Variants in PIK3R4 observed in about 807,000 individuals in gnomAD.
PIK3R4 encodes the protein phosphoinositide-3-kinase regulatory subunit 4.
Under a neutral mutation model 136.5 loss-of-function variants are expected in PIK3R4, and 46 were observed. The ratio of observed to expected loss-of-function variants is 0.34; its 90% CI spans 0.27 to 0.43. The LOEUF is 0.43. Ranked by LOEUF, PIK3R4 falls within the 20% of genes least tolerant of loss-of-function variation. The pLI is 1.00. For synonymous variants in PIK3R4, 557 were observed against 566.7 expected (o/e 0.98, Z 0.24); for missense variants, 1,331 against 1,649.5 (o/e 0.81, Z 3.35).
intron 11 of PIK3R4, 99 bp downstream of exon 11, chr3:130,706,849 T>C: frequency 3.8e-6 from 3 of 792,598 alleles, no homozygotes; most frequent in East Asian, 3.0e-5. Context: ...CAAGTCACCA[T>C]ATTGATTTTT....
At chr3:130,723,943 T>C (rs1247229224) in intron 6 of PIK3R4, 1 of 162,280 alleles carries the variant, frequency 6.2e-6, no homozygotes, top group Non-Finnish European at 1.3e-5. Context: ...GAATTCTATT[T>C]TCAGTCAAAC....
chr3:130,742,263 G>C (rs148667762), intron 2 of PIK3R4, among the ~76,000 whole-genome samples: 2 of 152,120 alleles, frequency 1.3e-5, no homozygotes, highest in East Asian at 1.9e-4. Context: ...ACAATGTAAG[G>C]CTCTTTGGTC....
intron 16 of PIK3R4, 76 bp downstream of exon 16, chr3:130,684,174 A>G (rs530359344): frequency 4.5e-6 from 6 of 1,331,102 alleles, no homozygotes; most frequent in African/African-American, 1.5e-5. Context: ...AACTAAAAAC[A>G]TGAGTTTTGG....
At chr3:130,723,348 T>C in intron 7 of PIK3R4, 66 bp downstream of exon 7, 2 of 1,392,048 alleles carry the variant, frequency 1.4e-6, no homozygotes, top group Non-Finnish European at 2.0e-6. Flanking sequence ...TGCAATTCTT[T>C]ATATTACCTA....
At chr3:130,726,011 T>A (rs761745024) in intron 6 of PIK3R4, 1 of 152,108 alleles carries the variant, frequency 6.6e-6, no homozygotes, top group African/African-American at 2.4e-5. Context: ...CTTATAAATG[T>A]GTCATGAGTT....
intron 14 of PIK3R4, among the ~76,000 whole-genome samples, chr3:130,686,887 C>T (rs1392004279): frequency 6.6e-6 from 1 of 152,068 alleles, no homozygotes; most frequent in Non-Finnish European, 1.5e-5. Context: ...AGAGAATGTT[C>T]CTCAATTTGG....
At chr3:130,700,303 GT>G (rs1373268551) in intron 13 of PIK3R4, among the ~76,000 whole-genome samples, 1 of 152,062 alleles carries the variant, frequency 6.6e-6, no homozygotes, top group African/African-American at 2.4e-5. Flanking sequence ...TGCTCATATT[GT>G]TTTAAGTTTT....
At chr3:130,729,679 T>C (rs1274925871) in intron 5 of PIK3R4, among the ~76,000 whole-genome samples, 2 of 152,206 alleles carry the variant, frequency 1.3e-5, no homozygotes, top group African/African-American at 4.8e-5. Context: ...TTCTAACAAG[T>C]AACAATTGTA....
chr3:130,679,452 C>T lies in PIK3R4; in HGVS notation c.3940G>A (p.Asp1314Asn). The change falls in exon 20 of 20, where the codon GAT becomes AAT. Residue 1314 changes from aspartate (D) to asparagine (N), a missense_variant. Asp to Asn is a conservative substitution (Grantham distance 23). Transcript: ENST00000356763. Reference protein sequence around the residue: ...IQNKQKVGPSDDTPRRGPESL... With the variant: ...IQNKQKVGPSNDTPRRGPESL... ...TCTGGGCCCCTTCGAGGGGTGTCAT[C>T]ACTTGGTCCTACTTTCTGCTTATTC... 1 of 1,612,908 alleles carries T rather than the reference C, an allele frequency of 6.2e-7. No homozygotes were observed. Among genetic ancestry groups the T allele is most frequent in the East Asian group, 2.2e-5 (1 of 44,850 alleles).
chr3:130,740,963 G>C (rs998503625), intron 2 of PIK3R4, among the ~76,000 whole-genome samples: 1 of 152,216 alleles, frequency 6.6e-6, no homozygotes, highest in Admixed American at 6.5e-5. Context: ...TTAAAAGTCT[G>C]TAAGTTTTTA....
intron 9 of PIK3R4, among the ~76,000 whole-genome samples, chr3:130,711,175 T>C (rs1208814561): frequency 6.6e-6 from 1 of 152,038 alleles, no homozygotes; most frequent in Non-Finnish European, 1.5e-5. Flanking sequence ...AGACTAGTTT[T>C]ACCCTTCCAC....
chr3:130,745,795 G>C (rs2066849400), intron 1 of PIK3R4, among the ~76,000 whole-genome samples: 1 of 152,132 alleles, frequency 6.6e-6, no homozygotes, highest in African/African-American at 2.4e-5. Flanking sequence ...AGGCCGAGGC[G>C]GGAGGATCAC....
intron 19 of PIK3R4, 112 bp downstream of exon 19, chr3:130,680,501 C>A: frequency 1.9e-6 from 1 of 520,058 alleles, no homozygotes; most frequent in Non-Finnish European, 3.4e-6. Flanking sequence ...AAATAAATTT[C>A]CTAAATTCAA....
chr3:130,737,529 G>A (rs1465317930), intron 2 of PIK3R4, among the ~76,000 whole-genome samples: 2 of 152,078 alleles, frequency 1.3e-5, no homozygotes, highest in Admixed American at 6.6e-5. Context: ...GTGTGGTGGT[G>A]CACGTTTGTA....
In PIK3R4 at chr3:130,745,285, T is replaced by G; in HGVS notation, c.-46-21A>C. On this transcript the variant is annotated intron_variant, in intron 1 of 19. Transcript: ENST00000356763. ...AATACCTGTTTAAAATAAAAACAAA[T>G]GAAGAAAAAAGACAAGAAACAAAGA... is the stretch of plus-strand genomic sequence containing the variant. The G allele has an allele frequency of 4.8e-6, 7 of 1,448,652 alleles. No homozygotes were observed. The South Asian group carries it at 9.8e-5, about 20-fold the overall frequency. The allele number at this position is 1,448,652 out of a possible 1,614,324, so 89.7% of individuals were successfully genotyped here. A position where few individuals can be genotyped will look rare whatever the true frequency, so the allele number is the denominator to read the frequency against.
chr3:130,681,817 A>G (rs147912885), intron 16 of PIK3R4, among the ~76,000 whole-genome samples: 1 of 152,318 alleles, frequency 6.6e-6, no homozygotes, highest in East Asian at 1.9e-4. Context: ...GAGATGGCAA[A>G]CAAAGCAGAA....
At chr3:130,697,441 C>T (rs1413608645) in intron 13 of PIK3R4, among the ~76,000 whole-genome samples, 7 of 152,090 alleles carry the variant, frequency 4.6e-5, no homozygotes, top group Non-Finnish European at 1.0e-4. Context: ...CTATTTATGT[C>T]TTTAAATCTA....
intron 9 of PIK3R4, 69 bp downstream of exon 9, chr3:130,716,327 C>A: frequency 7.8e-7 from 1 of 1,281,872 alleles, no homozygotes; most frequent in Non-Finnish European, 1.1e-6. Context: ...TTTTAAAAAA[C>A]TAAATGGACA....
chr3:130,700,280 CT>C (rs1271026106), intron 13 of PIK3R4, among the ~76,000 whole-genome samples: 2 of 152,160 alleles, frequency 1.3e-5, no homozygotes, highest in African/African-American at 4.8e-5. Flanking sequence ...ACATTGACAA[CT>C]TTCTTTTGTA....
Sources: allele counts gnomAD v4.1 joint callset (sites outside exome capture counted in the v4.1 genomes callset), GRCh38; gene constraint gnomAD v4.1.1; transcripts MANE v1.5; gene names NCBI Gene and HGNC (gene_info 2026-07-23, HGNC 2026-07-21).